ZNF335: variants seen among roughly 807,000 people sequenced by gnomAD.
ZNF335 encodes the protein NRC-interacting factor 1.
A neutral mutation model predicts 145.6 loss-of-function variants in ZNF335; 84 were observed. The ratio of observed to expected loss-of-function variants is 0.58; its 90% CI spans 0.48 to 0.69. The LOEUF (loss-of-function observed/expected upper bound fraction) is 0.69. Ranked by LOEUF, ZNF335 falls within the 30% of genes least tolerant of loss-of-function variation. The probability of loss-of-function intolerance (pLI) is 0.00; values close to 1 mark genes in which losing one functional copy is unlikely to be tolerated. For synonymous variants in ZNF335, 761 were observed against 717.0 expected (o/e 1.06, Z -0.98); for missense variants, 1,865 against 1,809.7 (o/e 1.03, Z -0.55).
intron 7 of ZNF335, 69 bp from the exon 8 acceptor site, chr20:45,964,059 G>C: frequency 1.3e-5 from 19 of 1,495,300 alleles, no homozygotes; most frequent in Non-Finnish European, 1.7e-5. Flanking sequence ...AAGTGGGCCA[G>C]AGGCCAGCCA....
In ZNF335 at chr20:45,948,778, TG is replaced by T. The variant is rs2083571756; in HGVS notation, c.*174del. The T allele has an allele frequency of 1.7e-5, 17 of 995,242 alleles. No homozygotes were observed. Among genetic ancestry groups the T allele is most frequent in the Non-Finnish European group, 2.5e-5 (17 of 677,168 alleles). The allele number at this position is 995,242 out of a possible 1,614,324, so 61.7% of individuals were successfully genotyped here. On this transcript the variant is annotated 3_prime_UTR_variant, in exon 28 of 28. Transcript: ENST00000322927. ...GCTGGGGCACCCAGCATGTCCTGGC[TG>T]GGGCCCATGGCTGCCCCTAACCCCA...
At chr20:45,965,510 C>T (rs1291227222) in intron 7 of ZNF335, 118 bp downstream of exon 7, 26 of 1,281,182 alleles carry the variant, frequency 2.0e-5, no homozygotes, top group South Asian at 1.7e-4. Context: ...GCAGGTGACC[C>T]GGTTTGAGAC....
chr20:45,960,625 CAT>C lies in ZNF335; in HGVS notation c.1771_1772del (p.Met591ValfsTer2), dbSNP rs752333018. On this transcript the variant is annotated frameshift_variant, in exon 12 of 28. Coordinates refer to ENST00000322927, the MANE Select transcript of ZNF335 (RefSeq NM_022095.4). LOFTEE classifies it high-confidence loss of function. ...MKTHSTEKPHMCDKCGKSFKK... is the reference protein window; with the variant it reads ...MKTHSTEKPHXCDKCGKSFKK... ...CCTGGCTCCCACCCACCTTGTCACACATGTGGGGCTTCTCAGTGCTGTGCGTC... is the reference window on the plus strand; with the variant it reads ...CCTGGCTCCCACCCACCTTGTCACACGTGGGGCTTCTCAGTGCTGTGCGTC... The C allele has an allele frequency of 1.2e-6, 2 of 1,614,130 alleles. No homozygotes were observed. Among genetic ancestry groups the C allele is most frequent in the East Asian group, 2.2e-5 (1 of 44,882 alleles).
intron 2 of ZNF335, among the ~76,000 whole-genome samples, chr20:45,970,559 G>T (rs532163913): frequency 6.6e-6 from 1 of 152,206 alleles, no homozygotes; most frequent in South Asian, 2.1e-4. Context: ...GCTTGCTCAA[G>T]ATCACACGGC....
Position 45,968,008 on chromosome 20 carries a change from T to C in ZNF335, c.540A>G (p.Pro180=). 1 of 1,612,476 alleles carries C rather than the reference T, an allele frequency of 6.2e-7. No individual in the cohort carries two copies. The highest frequency in any genetic ancestry group is 1.1e-5 in the South Asian group (1 of 91,072). The change falls in exon 5 of 28, where the codon CCA becomes CCG. Residue 180 remains proline (P), a synonymous_variant. Coordinates refer to ENST00000322927, the MANE Select transcript of ZNF335 (RefSeq NM_022095.4). ...GPDDGAPMTS[P]MSSSTLAHSL... ...TGTGGGCCAAGGTGGAACTGGACATTGGTGATGTCATGGGGGCTCCTGGGG... is the reference window on the plus strand; with the variant it reads ...TGTGGGCCAAGGTGGAACTGGACATCGGTGATGTCATGGGGGCTCCTGGGG...
intron 18 of ZNF335, 89 bp from the exon 19 acceptor site, chr20:45,952,798 TCAC>T: frequency 8.3e-7 from 1 of 1,202,642 alleles, no homozygotes; most frequent in Non-Finnish European, 1.2e-6. Context: ...GGAGTGACTG[TCAC>T]CACAGATGGA....
intron 1 of ZNF335, chr20:45,971,865 C>T (rs2084078467): frequency 1.0e-6 from 1 of 985,296 alleles, no homozygotes; most frequent in Non-Finnish European, 1.2e-6. Context: ...CCTGCGGAGG[C>T]GGCTGACAGC....
At position 45,957,654 on chromosome 20, in the gene ZNF335, T is replaced by C. The variant is rs1209944584; in HGVS notation, c.2374A>G (p.Thr792Ala). Residue 792 changes from threonine to alanine, a missense_variant, in exon 17 of 28, where the codon ACG becomes GCG. Transcript: ENST00000322927. ...AGCAGAAGATCCAAGGCTGTCTGCGTGGCCATCGCTGTCGACTCCTCAGCT... is the reference window on the plus strand; with the variant it reads ...AGCAGAAGATCCAAGGCTGTCTGCGCGGCCATCGCTGTCGACTCCTCAGCT... Reference protein sequence around the residue: ...QGAEESTAMATQTALDLLLNM... With the variant: ...QGAEESTAMAAQTALDLLLNM... 2 of 1,614,162 alleles carry C rather than the reference T, an allele frequency of 1.2e-6. No homozygotes were observed. The highest frequency in any genetic ancestry group is 2.2e-5 in the South Asian group (2 of 91,090).
intron 4 of ZNF335, 106 bp from the exon 5 acceptor site, chr20:45,968,133 C>T (rs1355702097): frequency 2.6e-6 from 4 of 1,535,826 alleles, no homozygotes; most frequent in Non-Finnish European, 3.6e-6. Context: ...GAACCAAATT[C>T]CCCACCAGAG....
intron 10 of ZNF335, chr20:45,961,539 G>A (rs1248675951): frequency 6.7e-6 from 1 of 150,240 alleles, no homozygotes; most frequent in East Asian, 1.9e-4. Flanking sequence ...AGTATCTTGG[G>A]CTGGCTTTTC....
chr20:45,972,050 G>C (rs1305473738), intron 1 of ZNF335, 72 bp downstream of exon 1: 1 of 1,259,956 alleles, frequency 7.9e-7, no homozygotes, highest in Non-Finnish European at 1.0e-6. Context: ...CCTCGCCTCC[G>C]GGTATCCCCG....
At chr20:45,954,576 G>C (rs2083691915) in intron 17 of ZNF335, among the ~76,000 whole-genome samples, 1 of 152,034 alleles carries the variant, frequency 6.6e-6, no homozygotes, top group South Asian at 2.1e-4. Flanking sequence ...AAAAAACAAA[G>C]AAATTGGGGT....
chr20:45,950,260 A>G lies in ZNF335; in HGVS notation c.3446T>C (p.Ile1149Thr). ...RAPTQTPTQTIILNSDDETLA... is the reference protein window; with the variant it reads ...RAPTQTPTQTTILNSDDETLA... ...TGTTTCGTCATCACTGTTCAGGATG[A>G]TGGTCTGGGTTGGGGTCTGGGTAGG... is the stretch of plus-strand genomic sequence containing the variant. Residue 1149 changes from isoleucine (I) to threonine (T), a missense_variant, in exon 22 of 28, where the codon ATC (isoleucine) becomes ACC (threonine). Ile to Thr is a moderately conservative substitution (Grantham distance 89, BLOSUM62 -1). Coordinates refer to ENST00000322927, the MANE Select transcript of ZNF335 (RefSeq NM_022095.4). 6.4e-7 allele frequency: 1 copy of G among 1,551,244 alleles called. No homozygotes were observed. Among genetic ancestry groups the G allele is most frequent in the Non-Finnish European group, 8.7e-7 (1 of 1,148,396 alleles).
rs369981721 is a variant in ZNF335 at position 45,953,780 on chromosome 20, G to A, written c.2611C>T (p.Leu871=). 1.9e-6 allele frequency: 3 copies of A among 1,614,050 alleles called. No individual in the cohort carries two copies. In the African/African-American group the frequency reaches 4.0e-5, roughly 22 times the overall value. ...LGPPDLPQIT[L]APGPFGGTGY... ...GTCCCACCAAATGGACCAGGTGCCA[G>A]GGTGATCTGCGGTAGGTCAGGAGGG... Residue 871 remains leucine (L), a synonymous_variant, in exon 18 of 28, where the codon CTG becomes TTG. Coordinates refer to ENST00000322927, the MANE Select transcript of ZNF335 (RefSeq NM_022095.4).
chr20:45,960,234 A>C lies in ZNF335; in HGVS notation c.1994T>G (p.Leu665Arg). The stretch of plus-strand genomic sequence containing the variant: ...TGTGTGCTTGACAGCCACATGGGAC[A>C]GCAAGAAGTCCTCTCGGAAGGTGCG... ...PYRTFREDFLLSHVAVKHTGA... is the reference protein window; with the variant it reads ...PYRTFREDFLRSHVAVKHTGA... The change falls in exon 14 of 28, where the codon CTG becomes CGG. Residue 665 changes from leucine (L) to arginine (R), a missense_variant. Leu to Arg is a moderately radical substitution (Grantham distance 102, BLOSUM62 -2). Coordinates refer to ENST00000322927, the MANE Select transcript of ZNF335 (RefSeq NM_022095.4). 2.5e-6 allele frequency: 4 copies of C among 1,614,200 alleles called. No homozygotes were observed. The highest frequency in any genetic ancestry group is 3.4e-6 in the Non-Finnish European group (4 of 1,180,022).
In ZNF335 at chr20:45,971,247, C is replaced by T; in HGVS notation, c.164G>A (p.Gly55Asp). The T allele has an allele frequency of 6.4e-7, 1 of 1,555,292 alleles. No individual in the cohort carries two copies. The highest frequency in any genetic ancestry group is 8.7e-7 in the Non-Finnish European group (1 of 1,154,584). Reference sequence around the variant, plus strand: ...GCCGCGGTCCGAGCTTTGCCCCACGCCAGAGTCATCGGCCTCTGCCTGCCC... The same window carrying T: ...GCCGCGGTCCGAGCTTTGCCCCACGTCAGAGTCATCGGCCTCTGCCTGCCC... Reference protein sequence around the residue: ...APGQAEADDSGVGQSSDRGSR... With the variant: ...APGQAEADDSDVGQSSDRGSR... The change falls in exon 2 of 28, where the codon GGC becomes GAC. Residue 55 changes from glycine (G) to aspartate (D), a missense_variant. Coordinates refer to ENST00000322927, the MANE Select transcript of ZNF335 (RefSeq NM_022095.4).
intron 6 of ZNF335, chr20:45,967,108 T>A (rs1029088526): frequency 5.0e-6 from 1 of 200,540 alleles, no homozygotes; most frequent in Non-Finnish European, 1.0e-5. Flanking sequence ...CCAGGCATGC[T>A]GGCAGGCACC....
chr20:45,953,956 G>A lies in ZNF335; in HGVS notation c.2443-8C>T, dbSNP rs374842862. 2.6e-4 allele frequency: 405 copies of A among 1,572,406 alleles called. 1 individual carries two copies. The highest frequency in any genetic ancestry group is 4.1e-4 in the Admixed American group (22 of 53,424). ...CGACTTCACCACAGCCACCTGCAAC[G>A]GCACCAGGGGGCGGGATGGGAGGCA... is the stretch of plus-strand genomic sequence containing the variant. On this transcript the variant is annotated splice_region_variant and splice_polypyrimidine_tract_variant and intron_variant, in intron 17 of 27. Transcript: ENST00000322927.
chr20:45,961,571 T>G (rs1322024809), intron 10 of ZNF335: 1 of 151,228 alleles, frequency 6.6e-6, no homozygotes, highest in Non-Finnish European at 1.5e-5. Flanking sequence ...CTGGAGCTAC[T>G]GTCCCAGGGG....
Sources: gnomAD v4.1 joint callset for allele counts (sites outside exome capture counted in the v4.1 genomes callset) on GRCh38, gnomAD v4.1.1 for gene constraint, MANE v1.5 for transcripts, NCBI Gene and HGNC (gene_info 2026-07-23, HGNC 2026-07-21) for gene names.